MYOCD: variants seen among roughly 807,000 people sequenced by gnomAD.
The protein encoded by MYOCD is myocardin.
In MYOCD, 32 loss-of-function variants were observed where a neutral mutation model predicts 96.1. That is an observed-to-expected ratio of 0.33 (90% CI 0.25 to 0.45). The LOEUF (loss-of-function observed/expected upper bound fraction) is 0.45, where lower values mean the gene tolerates loss of function less well. Ranked by LOEUF, MYOCD falls within the 20% of genes least tolerant of loss-of-function variation. MYOCD has a pLI of 1.00. For synonymous variants in MYOCD, 469 were observed against 469.0 expected (o/e 1.00, Z 0.00); for missense variants, 1,133 against 1,200.6 (o/e 0.94, Z 0.83).
rs753948360 is a variant in MYOCD at position 12,741,714 on chromosome 17, TATA to T, written c.717+2388_717+2390del. Among the ~76,000 whole-genome samples, 1,366 of 144,202 alleles carry T rather than the reference TATA, an allele frequency of 9.5e-3. 16 individuals carry two copies. Among genetic ancestry groups the T allele is most frequent in the East Asian group, 0.04 (200 of 4,952 alleles). 94.6% of individuals were successfully genotyped at this position (144,202 alleles called of 152,430 possible). On this transcript the variant is annotated intron_variant, in intron 7 of 13. Transcript: ENST00000425538. Reference sequence around the variant, plus strand: ...GACAGAGCGAGACTCTGTATATATATATAAAAAAAAAAAAAATTAGCAAAGCCT... The same window carrying T: ...GACAGAGCGAGACTCTGTATATATATAAAAAAAAAAAAATTAGCAAAGCCT...
Position 12,753,144 on chromosome 17 carries a change from A to G in MYOCD, c.1856A>G (p.Asp619Gly). 1.9e-6 allele frequency: 3 copies of G among 1,614,168 alleles called. No homozygotes were observed. Among genetic ancestry groups the G allele is most frequent in the Non-Finnish European group, 2.5e-6 (3 of 1,180,028 alleles). The change falls in exon 10 of 14, where the codon GAT (aspartate) becomes GGT (glycine). Residue 619 changes from aspartate (D) to glycine (G), a missense_variant. Transcript: ENST00000425538. ...AATGCTCATTGTGTGGAGTCCTCAG[A>G]TCAAACCAATGTACTTTCTTCCACA... is the stretch of plus-strand genomic sequence containing the variant. ...LGNAHCVESS[D>G]QTNVLSSTFL...
intron 1 of MYOCD, among the ~76,000 whole-genome samples, chr17:12,672,515 A>G (rs549683163): frequency 1.6e-4 from 24 of 152,362 alleles, no homozygotes; most frequent in South Asian, 4.1e-4. Context: ...GAGGTGTCCA[A>G]TTTTTGTTAA....
At chr17:12,739,179 A>T in intron 6 of MYOCD, 24 bp from the exon 7 acceptor site, 1 of 1,595,908 alleles carries the variant, frequency 6.3e-7, no homozygotes, top group South Asian at 1.1e-5. Context: ...TATCTTCCTA[A>T]TATCGGTAAC....
At chr17:12,687,741 G>C (rs1387760615) in intron 1 of MYOCD, among the ~76,000 whole-genome samples, 2 of 152,074 alleles carry the variant, frequency 1.3e-5, no homozygotes, top group Non-Finnish European at 2.9e-5. Flanking sequence ...AGCAAGTAGG[G>C]GGCACAAATA....
Position 12,764,641 on chromosome 17 carries a change from C to G in MYOCD, c.*997C>G, listed in dbSNP as rs961769620. 6.6e-6 allele frequency: 1 copy of G among 152,168 alleles called. No homozygotes were observed. The highest frequency in any genetic ancestry group is 1.5e-5 in the Non-Finnish European group (1 of 68,050). The allele number at this position is 152,168 out of a possible 1,614,324, so 9.4% of individuals were successfully genotyped here. The stretch of plus-strand genomic sequence containing the variant: ...AGAAGGACTATTACTTATGGGAGTC[C>G]AACTTCTCCTTTTGTTTTGTTATTA... On this transcript the variant is annotated 3_prime_UTR_variant, in exon 14 of 14. Transcript: ENST00000425538.
chr17:12,713,163 G>A (rs2031531996), intron 2 of MYOCD, among the ~76,000 whole-genome samples: 1 of 152,170 alleles, frequency 6.6e-6, no homozygotes, highest in African/African-American at 2.4e-5. Flanking sequence ...TTGCTAAATG[G>A]AGATAGTTTC....
At chr17:12,701,879 G>C (rs1348039686) in intron 1 of MYOCD, among the ~76,000 whole-genome samples, 1 of 151,974 alleles carries the variant, frequency 6.6e-6, no homozygotes. Context: ...TATTGCTTTT[G>C]AGTTAGAATT....
intron 9 of MYOCD, among the ~76,000 whole-genome samples, chr17:12,747,293 G>T (rs760983810): frequency 6.6e-6 from 1 of 152,098 alleles, no homozygotes; most frequent in Non-Finnish European, 1.5e-5. Context: ...AGGAGAGAAC[G>T]TGGCTGGACT....
At chr17:12,678,102 T>A (rs759277379) in intron 1 of MYOCD, among the ~76,000 whole-genome samples, 4 of 151,678 alleles carry the variant, frequency 2.6e-5, no homozygotes, top group Admixed American at 6.6e-5. Flanking sequence ...CATGTTGGCC[T>A]GGATGGTCTC....
At chr17:12,750,395 G>T (rs1490495234) in intron 9 of MYOCD, among the ~76,000 whole-genome samples, 1 of 151,954 alleles carries the variant, frequency 6.6e-6, no homozygotes, top group East Asian at 1.9e-4. Context: ...TTACAAACAC[G>T]TTGTAATTTT....
At chr17:12,754,365 G>A (rs904713401) in intron 10 of MYOCD, among the ~76,000 whole-genome samples, 1 of 152,202 alleles carries the variant, frequency 6.6e-6, no homozygotes, top group Non-Finnish European at 1.5e-5. Flanking sequence ...GCCTCCCAAA[G>A]TGCTGGGATT....
intron 5 of MYOCD, among the ~76,000 whole-genome samples, chr17:12,723,487 G>A (rs2031908161): frequency 1.3e-5 from 2 of 152,158 alleles, no homozygotes; most frequent in African/African-American, 4.8e-5. Context: ...TCCTGGGAGT[G>A]AAATTCATGG....
intron 1 of MYOCD, among the ~76,000 whole-genome samples, chr17:12,675,203 C>G (rs534648257): frequency 6.6e-6 from 1 of 152,118 alleles, no homozygotes; most frequent in Non-Finnish European, 1.5e-5. Flanking sequence ...TTTTTAAAAA[C>G]TTCAAATTAG....
chr17:12,749,930 A>G (rs905314728), intron 9 of MYOCD, among the ~76,000 whole-genome samples: 14 of 151,834 alleles, frequency 9.2e-5, no homozygotes, highest in African/African-American at 2.4e-4. Flanking sequence ...GCTCACTGCA[A>G]GCTCCGCCTT....
intron 5 of MYOCD, among the ~76,000 whole-genome samples, chr17:12,734,528 T>TTTA (rs2032282481): frequency 7.3e-6 from 1 of 137,202 alleles, no homozygotes; most frequent in African/African-American, 2.6e-5. Context: ...TTTTTTTTTT[T>TTTA]GAGACACAGT....
chr17:12,714,362 C>CACACACACACACACACACACACA (rs1597772908), intron 2 of MYOCD, among the ~76,000 whole-genome samples: 3 of 147,640 alleles, frequency 2.0e-5, no homozygotes, highest in Non-Finnish European at 3.0e-5. Context: ...CACACACACA[C>CACACACACACACACACACACACA]CCCGATCTGG....
In MYOCD at chr17:12,752,869, G is replaced by A; in HGVS notation, c.1581G>A (p.Val527=). ...KDKMLVEKQK[V]INELTWKLQQ... is the part of the protein sequence containing the mutation. Reference sequence around the variant, plus strand: ...AGATGCTGGTGGAGAAGCAGAAGGTGATCAATGAACTCACCTGGAAACTCC... The same window carrying A: ...AGATGCTGGTGGAGAAGCAGAAGGTAATCAATGAACTCACCTGGAAACTCC... The change falls in exon 10 of 14, where the codon GTG becomes GTA. Residue 527 remains valine, a synonymous_variant. Transcript: ENST00000425538. 1 of 1,614,126 alleles carries A rather than the reference G, an allele frequency of 6.2e-7. No individual in the cohort carries two copies. The highest frequency in any genetic ancestry group is 8.5e-7 in the Non-Finnish European group (1 of 1,180,034).
chr17:12,667,672 C>A (rs1181581363), intron 1 of MYOCD, among the ~76,000 whole-genome samples: 1 of 152,182 alleles, frequency 6.6e-6, no homozygotes. Flanking sequence ...CTAAAAGGAT[C>A]TGGTGATGTA....
intron 1 of MYOCD, among the ~76,000 whole-genome samples, chr17:12,675,773 C>T (rs990796604): frequency 1.3e-5 from 2 of 152,180 alleles, no homozygotes; most frequent in Non-Finnish European, 2.9e-5. Flanking sequence ...GCAGGAGAAT[C>T]GCTTGAACCC....
Sources: allele counts gnomAD v4.1 joint callset (sites outside exome capture counted in the v4.1 genomes callset), GRCh38; gene constraint gnomAD v4.1.1; transcripts MANE v1.5; gene names NCBI Gene and HGNC (gene_info 2026-07-23, HGNC 2026-07-21).